HIVEP2: variants seen among roughly 807,000 people sequenced by gnomAD.
HIVEP2 encodes transcription factor HIVEP2.
HIVEP2 carries 14 observed loss-of-function variants against 180.7 expected under a neutral mutation model. That is an observed-to-expected ratio of 0.08 (90% CI 0.05 to 0.12). The LOEUF (loss-of-function observed/expected upper bound fraction) is 0.12, where lower values mean the gene tolerates loss of function less well. Among genes scored for constraint, HIVEP2 ranks in the 10% least tolerant of loss-of-function variants. HIVEP2 has a pLI of 1.00. For missense variants in HIVEP2, 2,579 were observed against 3,008.5 expected (o/e 0.86, Z 3.34); for synonymous variants, 1,184 against 1,136.4 (o/e 1.04, Z -0.84).
At position 142,773,309 on chromosome 6, in the gene HIVEP2, T is replaced by C; in HGVS notation, c.1430A>G (p.Gln477Arg). The C allele has an allele frequency of 6.2e-7, 1 of 1,614,214 alleles. No homozygotes were observed. Among genetic ancestry groups the C allele is most frequent in the Non-Finnish European group, 8.5e-7 (1 of 1,180,040 alleles). The change falls in exon 5 of 10, where the codon CAG becomes CGG. Residue 477 changes from glutamine to arginine, a missense_variant. Around this residue, in one of 11 missense-constraint regions of HIVEP2, gnomAD observed 524 missense variants for 563.6 expected, o/e 0.93. Coordinates refer to ENST00000367603, the MANE Select transcript of HIVEP2 (RefSeq NM_006734.4). The stretch of plus-strand genomic sequence containing the variant: ...GACATCTCCCTTGCTTGGGATCAGC[T>C]GTGAAACAGGATCTTCAAACATCTT... ...DVKMFEDPVSQLIPSKGDVDP... is the reference protein window; with the variant it reads ...DVKMFEDPVSRLIPSKGDVDP...
chr6:142,800,628 C>T (rs1776380583), intron 2 of HIVEP2, among the ~76,000 whole-genome samples: 1 of 152,034 alleles, frequency 6.6e-6, no homozygotes, highest in South Asian at 2.1e-4. Flanking sequence ...CAACTAAAAT[C>T]TTAGAAATGC....
At chr6:142,847,730 AG>A (rs1775552778) in intron 1 of HIVEP2, among the ~76,000 whole-genome samples, 1 of 152,248 alleles carries the variant, frequency 6.6e-6, no homozygotes, top group African/African-American at 2.4e-5. Flanking sequence ...TTATAAAAAC[AG>A]GATGTTTTGT....
Position 142,774,214 on chromosome 6 carries a change from C to G in HIVEP2, c.525G>C (p.Glu175Asp). ...TGGGTTTGTGCTCTTTCTTGTGAGC[C>G]TCTTCTGCCTGTTCAATACTTTTCT... ...YSQKSIEQAE[E>D]AHKKEHKPKK... The change falls in exon 5 of 10, where the codon GAG (glutamate) becomes GAC (aspartate). Residue 175 changes from glutamate to aspartate, a missense_variant. Around this residue, in one of 11 missense-constraint regions of HIVEP2, gnomAD observed 207 missense variants for 210.1 expected, o/e 0.99. Transcript: ENST00000367603. This position sits in a 1 kb window ranked among gnomAD's most constrained non-coding sequence, Gnocchi z 5.1. 1.9e-6 allele frequency: 3 copies of G among 1,614,120 alleles called. No homozygotes were observed. The highest frequency in any genetic ancestry group is 2.5e-6 in the Non-Finnish European group (3 of 1,180,052).
intron 2 of HIVEP2, among the ~76,000 whole-genome samples, chr6:142,797,475 T>G (rs934416082): frequency 4.6e-5 from 7 of 152,096 alleles, no homozygotes; most frequent in Non-Finnish European, 8.8e-5. Flanking sequence ...ATAGAGACAA[T>G]ATCACCCAAA....
chr6:142,892,673 T>C (rs1776888979), intron 1 of HIVEP2, among the ~76,000 whole-genome samples: 1 of 152,218 alleles, frequency 6.6e-6, no homozygotes, highest in South Asian at 2.1e-4. Context: ...GGATCAATCA[T>C]ATATCCTGTG....
chr6:142,879,894 T>A (rs1776540357), intron 1 of HIVEP2, among the ~76,000 whole-genome samples: 16 of 152,194 alleles, frequency 1.1e-4, no homozygotes, highest in Admixed American at 1.0e-3. Flanking sequence ...ACATGGGCCA[T>A]GATCTCTGAC....
chr6:142,895,065 C>T (rs1433306406), intron 1 of HIVEP2, among the ~76,000 whole-genome samples: 2 of 152,162 alleles, frequency 1.3e-5, no homozygotes, highest in African/African-American at 2.4e-5. Context: ...AGTAGCACAT[C>T]CATCACATTA....
At chr6:142,945,288 AT>A (rs1423952371), upstream of HIVEP2, 1 of 151,626 alleles carries the variant, frequency 6.6e-6, no homozygotes, top group African/African-American at 2.4e-5. This position sits in a 1 kb window ranked among gnomAD's most constrained non-coding sequence, Gnocchi z 5.5. Flanking sequence ...TATTCCCCGC[AT>A]TTCCCCACGC....
chr6:142,814,759 T>C (rs1776788997), intron 2 of HIVEP2, among the ~76,000 whole-genome samples: 1 of 152,128 alleles, frequency 6.6e-6, no homozygotes, highest in African/African-American at 2.4e-5. Context: ...ATCTAGTATA[T>C]AGTGTATAGA....
chr6:142,935,100 A>G (rs12212322), intron 1 of HIVEP2, among the ~76,000 whole-genome samples: 25,267 of 152,170 alleles, frequency 0.17, 2,272 homozygotes, highest in Non-Finnish European at 0.2. Context: ...AAAAGGCCCT[A>G]TCTGTTCACT....
At chr6:142,842,393 T>C (rs1775386701) in intron 1 of HIVEP2, among the ~76,000 whole-genome samples, 4 of 152,178 alleles carry the variant, frequency 2.6e-5, no homozygotes, top group Admixed American at 1.3e-4. Flanking sequence ...TCTTATGGTT[T>C]ACATAACCGA....
At chr6:142,848,765 T>C (rs1428689094) in intron 1 of HIVEP2, among the ~76,000 whole-genome samples, 1 of 151,810 alleles carries the variant, frequency 6.6e-6, no homozygotes, top group Non-Finnish European at 1.5e-5. Context: ...CTCTGCTCTG[T>C]CCATTCTGAT....
At chr6:142,800,931 C>A (rs1776389596) in intron 2 of HIVEP2, among the ~76,000 whole-genome samples, 1 of 152,018 alleles carries the variant, frequency 6.6e-6, no homozygotes, top group South Asian at 2.1e-4. Context: ...TAAATAATGG[C>A]ATTTCTTGAC....
intron 1 of HIVEP2, among the ~76,000 whole-genome samples, chr6:142,895,690 C>T (rs1054459800): frequency 6.6e-6 from 1 of 152,122 alleles, no homozygotes; most frequent in African/African-American, 2.4e-5. Flanking sequence ...CAATATGGGG[C>T]ATTTTATGTG....
chr6:142,767,630 C>CG (rs1173398102), intron 6 of HIVEP2, among the ~76,000 whole-genome samples: 1 of 152,146 alleles, frequency 6.6e-6, no homozygotes, highest in African/African-American at 2.4e-5. Flanking sequence ...ATTTTAGAAG[C>CG]ATAAGTGTAG....
intron 9 of HIVEP2, among the ~76,000 whole-genome samples, chr6:142,758,635 A>C (rs1582829385): frequency 6.6e-6 from 1 of 152,006 alleles, no homozygotes; most frequent in African/African-American, 2.4e-5. Context: ...CATTTTTTAA[A>C]ATCCTACACA....
At chr6:142,944,368 C>G (rs1026573000) in intron 1 of HIVEP2, among the ~76,000 whole-genome samples, 2 of 148,764 alleles carry the variant, frequency 1.3e-5, no homozygotes, top group Admixed American at 6.6e-5. Flanking sequence ...TCCACCCCCC[C>G]CCCCCACCAA....
At chr6:142,756,094 T>G (rs913302317) in intron 9 of HIVEP2, among the ~76,000 whole-genome samples, 1 of 152,250 alleles carries the variant, frequency 6.6e-6, no homozygotes, top group Non-Finnish European at 1.5e-5. Flanking sequence ...TAAGTGCATA[T>G]GTATGTATAG....
chr6:142,930,137 G>A (rs369057698), intron 1 of HIVEP2, among the ~76,000 whole-genome samples: 2 of 152,042 alleles, frequency 1.3e-5, no homozygotes, highest in Non-Finnish European at 1.5e-5. Flanking sequence ...CACACTAAAC[G>A]ACTGTGTTGT....
Sources: gnomAD v4.1 joint callset for allele counts (sites outside exome capture counted in the v4.1 genomes callset) on GRCh38, gnomAD v4.1.1 for gene constraint, gnomAD v4.1.1 regional missense constraint, Gnocchi (gnomAD v3.1) non-coding constraint, MANE v1.5 for transcripts, NCBI Gene and HGNC (gene_info 2026-07-23, HGNC 2026-07-21) for gene names.